Variants in EXOC4 observed in about 807,000 individuals in gnomAD.
EXOC4 encodes the protein SEC8-like 1.
In EXOC4, 71 loss-of-function variants were observed where a neutral mutation model predicts 107.2. The ratio of observed to expected loss-of-function variants is 0.66; its 90% confidence interval spans 0.55 to 0.81. EXOC4 has a LOEUF of 0.81. Ranked by LOEUF, EXOC4 falls within the 30% of genes least tolerant of loss-of-function variation. EXOC4 has a pLI of 0.00. For missense variants in EXOC4, 1,108 were observed against 1,189.6 expected, an observed-to-expected ratio of 0.93 and a Z score of 1.01; for synonymous variants, 456 against 441.2, an observed-to-expected ratio of 1.03 and a Z score of -0.42.
chr7:133,710,004 A>T (rs1031622913), intron 10 of EXOC4, among the ~76,000 whole-genome samples: 27 of 152,216 alleles, frequency 1.8e-4, no homozygotes, highest in African/African-American at 6.0e-4. Context: ...ATCAAATGAC[A>T]GATGAACAAG....
chr7:133,716,232 G>C (rs561581630), intron 10 of EXOC4, among the ~76,000 whole-genome samples: 2 of 152,312 alleles, frequency 1.3e-5, no homozygotes, highest in East Asian at 3.9e-4. Context: ...GCACTACAGA[G>C]TGCTGGGCAT....
chr7:133,844,464 A>G (rs1457411441), intron 11 of EXOC4, among the ~76,000 whole-genome samples: 1 of 129,754 alleles, frequency 7.7e-6, no homozygotes, highest in African/African-American at 3.0e-5. Flanking sequence ...ATCTTGGCTC[A>G]CAGAAACCTC....
intron 9 of EXOC4, among the ~76,000 whole-genome samples, chr7:133,521,744 C>T (rs1343435423): frequency 2.6e-5 from 4 of 151,958 alleles, no homozygotes; most frequent in African/African-American, 7.3e-5. Context: ...CTCAGCCTCC[C>T]GAGTAGCTGG....
At chr7:133,426,104 G>A (rs1400943572) in intron 7 of EXOC4, among the ~76,000 whole-genome samples, 1 of 152,210 alleles carries the variant, frequency 6.6e-6, no homozygotes, top group Non-Finnish European at 1.5e-5. Context: ...GTTTTACAGA[G>A]TTTGACTCTT....
intron 12 of EXOC4, among the ~76,000 whole-genome samples, chr7:133,897,944 T>C (rs984607138): frequency 2.6e-5 from 4 of 152,140 alleles, no homozygotes; most frequent in African/African-American, 4.8e-5. Context: ...AGTCTCAAAA[T>C]GGCATTCCTT....
At chr7:133,531,500 C>T (rs1034092244) in intron 9 of EXOC4, among the ~76,000 whole-genome samples, 2 of 152,050 alleles carry the variant, frequency 1.3e-5, no homozygotes. Flanking sequence ...GGAGGAACGA[C>T]AAAGGAACAT....
At chr7:133,604,384 A>G (rs1418356481) in intron 9 of EXOC4, among the ~76,000 whole-genome samples, 2 of 152,194 alleles carry the variant, frequency 1.3e-5, no homozygotes, top group Non-Finnish European at 2.9e-5. Flanking sequence ...CTTTTATATG[A>G]CTGGTGGTTC....
At chr7:133,876,221 GGTGTGTGTGTGTGTGTGT>G (rs10605200) in intron 11 of EXOC4, among the ~76,000 whole-genome samples, 2 of 147,192 alleles carry the variant, frequency 1.4e-5, no homozygotes, top group African/African-American at 5.0e-5. Flanking sequence ...AGAATGAAGA[GGTGTGTGTGTGTGTGTGT>G]GTGTGTGTGT....
intron 9 of EXOC4, among the ~76,000 whole-genome samples, chr7:133,490,644 T>A (rs1799354873): frequency 6.6e-6 from 1 of 152,178 alleles, no homozygotes; most frequent in African/African-American, 2.4e-5. Flanking sequence ...TGATTATAAT[T>A]TGTTACTTTC....
At chr7:133,924,431 T>C (rs1277929065) in intron 13 of EXOC4, among the ~76,000 whole-genome samples, 2 of 152,210 alleles carry the variant, frequency 1.3e-5, no homozygotes, top group African/African-American at 2.4e-5. Flanking sequence ...CTTTCTAGCC[T>C]CATTCCAGAA....
chr7:133,320,578 C>G (rs1272551033), intron 5 of EXOC4, among the ~76,000 whole-genome samples: 1 of 152,192 alleles, frequency 6.6e-6, no homozygotes, highest in Non-Finnish European at 1.5e-5. Flanking sequence ...CTGCAGTCTC[C>G]TTTGCCATGT....
At chr7:133,388,677 ATTTC>A (rs1796783952) in intron 7 of EXOC4, among the ~76,000 whole-genome samples, 1 of 152,054 alleles carries the variant, frequency 6.6e-6, no homozygotes, top group Admixed American at 6.6e-5. Context: ...TAAAAACTTA[ATTTC>A]TTTATCATCA....
chr7:133,367,440 C>T (rs1272716639), intron 6 of EXOC4, among the ~76,000 whole-genome samples: 3 of 152,086 alleles, frequency 2.0e-5, no homozygotes, highest in South Asian at 4.1e-4. Flanking sequence ...AAGTGGGTTT[C>T]TTGGATGGAG....
chr7:133,826,217 G>T lies in EXOC4; in HGVS notation c.1734+8673G>T, dbSNP rs369446334. On this transcript the variant is annotated intron_variant, in intron 11 of 17. Transcript: ENST00000253861. ...TTTTATTGCTAATAGAGACTTTTGG[G>T]ATCTGATAACATTCGTCCATGTTTT... is the stretch of plus-strand genomic sequence containing the variant. Among the ~76,000 whole-genome samples, 8 of 152,084 alleles carry T rather than the reference G, an allele frequency of 5.3e-5. No individual in the cohort carries two copies. The East Asian group carries it at 5.8e-4, about 11-fold the overall frequency.
intron 1 of EXOC4, among the ~76,000 whole-genome samples, chr7:133,270,641 T>G (rs923879464): frequency 2.6e-4 from 40 of 152,324 alleles, no homozygotes; most frequent in South Asian, 8.3e-4. Context: ...GCTGATTTTA[T>G]TTTATTTTAA....
chr7:133,928,448 G>A (rs561592754), intron 13 of EXOC4, among the ~76,000 whole-genome samples: 16 of 152,110 alleles, frequency 1.1e-4, no homozygotes, highest in South Asian at 1.0e-3. Context: ...CCCTGCCAGC[G>A]GGTGAAGGAC....
chr7:134,056,182 A>T (rs1795918177), intron 17 of EXOC4, among the ~76,000 whole-genome samples: 1 of 152,202 alleles, frequency 6.6e-6, no homozygotes. Context: ...TATTAGATAA[A>T]TTGTCTTTAA....
intron 12 of EXOC4, among the ~76,000 whole-genome samples, chr7:133,906,665 C>T (rs1002940651): frequency 6.6e-6 from 1 of 152,216 alleles, no homozygotes; most frequent in African/African-American, 2.4e-5. Context: ...TACTACGGCT[C>T]GAGCTGAGCT....
intron 5 of EXOC4, among the ~76,000 whole-genome samples, chr7:133,327,414 G>C (rs1694754822): frequency 1.3e-5 from 2 of 152,006 alleles, no homozygotes; most frequent in Admixed American, 6.5e-5. Flanking sequence ...TTTTTTGAAG[G>C]GTTTTTTTGT....
Sources: allele counts gnomAD v4.1 joint callset (sites outside exome capture counted in the v4.1 genomes callset), GRCh38; gene constraint gnomAD v4.1.1; transcripts MANE v1.5; gene names NCBI Gene and HGNC (gene_info 2026-07-23, HGNC 2026-07-21).